Variants in ECT2 observed in about 807,000 individuals in gnomAD.
ECT2 encodes the protein epithelial cell transforming 2, also known as protein ECT2.
In ECT2, 61 loss-of-function variants were observed where a neutral mutation model predicts 116.9. The ratio of observed to expected loss-of-function variants is 0.52; its 90% CI spans 0.42 to 0.65. ECT2 has a LOEUF of 0.65. Among genes scored for constraint, ECT2 ranks in the 30% least tolerant of loss-of-function variants. ECT2 has a pLI of 0.00. For synonymous variants in ECT2, 358 were observed against 346.4 expected (o/e 1.03, Z -0.37); for missense variants, 937 against 1,078.7 (o/e 0.87, Z 1.84).
At chr3:172,828,078 C>T in the ECT2 span, among the ~76,000 whole-genome samples, 16 of 151,882 alleles carry the variant, frequency 1.1e-4, no homozygotes, top group Admixed American at 1.1e-3. Context: ...AAATAGATAC[C>T]AGCCACAAAC....
At chr3:172,788,240 C>A (rs1723960948) in intron 18 of ECT2, among the ~76,000 whole-genome samples, 3 of 152,142 alleles carry the variant, frequency 2.0e-5, no homozygotes. Context: ...TGACACAGCA[C>A]CAGTTCACTA....
At chr3:172,773,040 T>A (rs1021263662) in intron 13 of ECT2, among the ~76,000 whole-genome samples, 2 of 152,208 alleles carry the variant, frequency 1.3e-5, no homozygotes, top group East Asian at 3.8e-4. Flanking sequence ...TGCCTTTCCA[T>A]ATAAATTTTT....
intron 21 of ECT2, 44 bp from the exon 22 acceptor site, chr3:172,807,726 C>T: frequency 1.9e-6 from 3 of 1,555,722 alleles, no homozygotes; most frequent in Non-Finnish European, 2.6e-6. Flanking sequence ...CTGTCATTTT[C>T]CAAGGAGTGA....
chr3:172,800,422 A>G (rs1726505921), intron 18 of ECT2, among the ~76,000 whole-genome samples: 1 of 152,168 alleles, frequency 6.6e-6, no homozygotes, highest in African/African-American at 2.4e-5. Flanking sequence ...TTTCTTTAAA[A>G]ACAATACATA....
intron 18 of ECT2, among the ~76,000 whole-genome samples, chr3:172,798,315 A>C (rs867289640): frequency 6.6e-6 from 1 of 152,190 alleles, no homozygotes; most frequent in Non-Finnish European, 1.5e-5. Context: ...AACTTTCACC[A>C]GCTTTTTAAA....
At chr3:172,795,872 T>C (rs565862980) in intron 18 of ECT2, among the ~76,000 whole-genome samples, 1 of 152,156 alleles carries the variant, frequency 6.6e-6, no homozygotes, top group South Asian at 2.1e-4. Context: ...TCTTAAATTT[T>C]ATAAAAAGAC....
At chr3:172,770,090 A>G (rs184944642) in intron 13 of ECT2, among the ~76,000 whole-genome samples, 1 of 152,282 alleles carries the variant, frequency 6.6e-6, no homozygotes, top group East Asian at 1.9e-4. Flanking sequence ...ATGGTTAATT[A>G]TTTGTTTAGG....
At chr3:172,807,063 G>A (rs1251020191) in intron 21 of ECT2, among the ~76,000 whole-genome samples, 1 of 152,148 alleles carries the variant, frequency 6.6e-6, no homozygotes, top group Admixed American at 6.5e-5. Context: ...ACGGGGGACG[G>A]TTCCTGGACC....
chr3:172,825,190 C>T (rs184717041), downstream of ECT2, among the ~76,000 whole-genome samples: 422 of 152,190 alleles, frequency 2.8e-3, 1 homozygote, highest in Non-Finnish European at 4.5e-3. Context: ...TGTTCTGGGG[C>T]ACCACAAACT....
intron 1 of ECT2, 198 bp downstream of exon 1, chr3:172,751,055 G>A (rs1469601872): frequency 2.6e-5 from 4 of 152,354 alleles, no homozygotes; most frequent in Non-Finnish European, 2.9e-5. Context: ...GTGGGAGACC[G>A]AAGCCCCCAG....
chr3:172,763,344 A>C (rs1718711165), intron 11 of ECT2, among the ~76,000 whole-genome samples: 1 of 152,216 alleles, frequency 6.6e-6, no homozygotes, highest in African/African-American at 2.4e-5. Context: ...AGGAGGGAAT[A>C]AAAAGGTGAA....
intron 1 of ECT2, among the ~76,000 whole-genome samples, chr3:172,752,785 T>C (rs1194086383): frequency 6.6e-6 from 1 of 152,190 alleles, no homozygotes; most frequent in Non-Finnish European, 1.5e-5. Flanking sequence ...TCATCTTAAC[T>C]AGATTTGAGT....
At chr3:172,755,206 C>T in intron 2 of ECT2, 89 bp from the exon 3 acceptor site, 1 of 892,840 alleles carries the variant, frequency 1.1e-6, no homozygotes, top group Non-Finnish European at 1.6e-6. Context: ...AGATGTAATA[C>T]ATACTAGATA....
At position 172,755,323 on chromosome 3, in the gene ECT2, G is replaced by A. The variant is rs762742339; in HGVS notation, c.159G>A (p.Val53=). 1.2e-6 allele frequency: 2 copies of A among 1,606,318 alleles called. No individual in the cohort carries two copies. The highest frequency in any genetic ancestry group is 2.2e-5 in the South Asian group (2 of 88,982). The part of the protein sequence containing the change: ...EEEMPQIETR[V]ILVQEAGKQE... The stretch of plus-strand genomic sequence containing the variant: ...AGATGCCTCAGATTGAAACAAGAGT[G>A]ATATTGGTTCAAGAAGCTGGAAAAC... The change falls in exon 3 of 25, where the codon GTG becomes GTA. Residue 53 remains valine (V), a synonymous_variant. Transcript: ENST00000392692.
At chr3:172,793,014 C>T (rs1164455218) in intron 18 of ECT2, among the ~76,000 whole-genome samples, 1 of 152,084 alleles carries the variant, frequency 6.6e-6, no homozygotes, top group Non-Finnish European at 1.5e-5. Flanking sequence ...CTACTGCACC[C>T]AGCAAGGTAT....
At chr3:172,807,571 G>A (rs1728007505) in intron 21 of ECT2, 199 bp from the exon 22 acceptor site, 4 of 476,522 alleles carry the variant, frequency 8.4e-6, no homozygotes, top group African/African-American at 3.8e-5. Context: ...AGTTCCTTAC[G>A]TGGTATACTA....
rs1717959209 is a variant in ECT2, at chr3:172,760,231, G to A, written c.652G>A (p.Val218Met). The change falls in exon 7 of 25, where the codon GTG (valine) becomes ATG (methionine). Residue 218 changes from valine (V) to methionine (M), a missense_variant. Coordinates refer to ENST00000392692, the MANE Select transcript of ECT2 (RefSeq NM_001258315.2). ...CTTTAATTCAAAAGTTACACATTTG[G>A]TGGCAAATTGTACACAAGGAGAAAA... ...KDFNSKVTHL[V>M]ANCTQGEKFR... 6.2e-7 allele frequency: 1 copy of A among 1,611,652 alleles called. No homozygotes were observed. The highest frequency in any genetic ancestry group is 8.5e-7 in the Non-Finnish European group (1 of 1,178,698).
chr3:172,754,150 G>T (rs534442414), intron 1 of ECT2, among the ~76,000 whole-genome samples: 1 of 152,106 alleles, frequency 6.6e-6, no homozygotes, highest in Non-Finnish European at 1.5e-5. Context: ...TTTGTGGGAG[G>T]TGTGTTATGG....
chr3:172,775,644 T>C (rs1721513681), intron 14 of ECT2, among the ~76,000 whole-genome samples: 1 of 151,850 alleles, frequency 6.6e-6, no homozygotes, highest in Non-Finnish European at 1.5e-5. Context: ...TTTTCTTTTT[T>C]TTTTTTTGAG....
Sources: gnomAD v4.1 joint callset for allele counts (sites outside exome capture counted in the v4.1 genomes callset) on GRCh38, gnomAD v4.1.1 for gene constraint, MANE v1.5 for transcripts, NCBI Gene and HGNC (gene_info 2026-07-23, HGNC 2026-07-21) for gene names.